The following SLC38A8 variants were observed in gnomAD, a reference collection of about 807,000 sequenced individuals.
SLC38A8 encodes the protein solute carrier family 38 member 8.
SLC38A8 carries 65 observed loss-of-function variants against 46.0 expected under a neutral mutation model. That is an observed-to-expected ratio of 1.41 (90% confidence interval 1.16 to 1.74). The LOEUF (loss-of-function observed/expected upper bound fraction) is 1.74, where lower values mean the gene tolerates loss of function less well. Ranked by LOEUF, SLC38A8 falls within the 40% of genes most tolerant of loss-of-function variation. The pLI, the probability that SLC38A8 is intolerant of heterozygous loss-of-function variation, is 0.00. For missense variants in SLC38A8, 998 were observed against 567.9 expected, an observed-to-expected ratio of 1.76 and a Z score of -7.70; for synonymous variants, 447 against 243.7, an observed-to-expected ratio of 1.83 and a Z score of -7.77.
In SLC38A8 at chr16:84,025,473, G is replaced by A. The variant is rs79245387; in HGVS notation, c.691-2584C>T. 5.5e-4 allele frequency among the ~76,000 whole-genome samples: 84 copies of A among 152,198 alleles called. No homozygotes were observed. In the East Asian group the frequency reaches 0.012, roughly 21 times the overall value. ...CACAGCCCGTGTCCTCAACACGAGC[G>A]GGCTTTTCGGTTTGTCTACTCAGCG... On this transcript the variant is annotated intron_variant, in intron 6 of 10. Transcript: ENST00000299709.
intron 5 of SLC38A8, among the ~76,000 whole-genome samples, chr16:84,030,207 G>A (rs568080529): frequency 4.6e-5 from 7 of 152,242 alleles, no homozygotes; most frequent in East Asian, 1.9e-4. Flanking sequence ...ACAGATCGCC[G>A]CGGCCCCCAG....
intron 2 of SLC38A8, among the ~76,000 whole-genome samples, chr16:84,037,168 CCCCAGT>C (rs2085309817): frequency 6.6e-6 from 1 of 152,220 alleles, no homozygotes; most frequent in Admixed American, 6.5e-5. Context: ...CACCATCCTG[CCCCAGT>C]GGGATAAATG....
intron 6 of SLC38A8, among the ~76,000 whole-genome samples, chr16:84,023,185 A>C (rs2085115870): frequency 2.0e-5 from 3 of 151,840 alleles, no homozygotes. Context: ...CATTACAAAC[A>C]CCCACTGCCC....
chr16:84,036,694 G>T lies in SLC38A8; in HGVS notation c.388+8C>A. The T allele has an allele frequency of 6.2e-7, 1 of 1,614,044 alleles. No homozygotes were observed. Among genetic ancestry groups the T allele is most frequent in the East Asian group, 2.2e-5 (1 of 44,880 alleles). On this transcript the variant is annotated splice_region_variant and intron_variant, in intron 3 of 10. Coordinates refer to ENST00000299709, the MANE Select transcript of SLC38A8 (RefSeq NM_001080442.3). Reference sequence around the variant, plus strand: ...CTGGGCCACCCCGAGTCCCATGAAGGTACTTACGCTTCTCCAGCTGGTCCC... The same window carrying T: ...CTGGGCCACCCCGAGTCCCATGAAGTTACTTACGCTTCTCCAGCTGGTCCC...
At chr16:84,025,766 G>A (rs903127978) in intron 6 of SLC38A8, among the ~76,000 whole-genome samples, 3 of 152,246 alleles carry the variant, frequency 2.0e-5, no homozygotes, top group African/African-American at 7.2e-5. Flanking sequence ...TGGAAATATA[G>A]GAGGGCACAG....
chr16:84,033,024 A>G (rs1225281961), intron 4 of SLC38A8, among the ~76,000 whole-genome samples: 1 of 148,422 alleles, frequency 6.7e-6, no homozygotes, highest in African/African-American at 2.5e-5. Flanking sequence ...GTGGGTGTGT[A>G]TGTGTGGGTG....
chr16:84,029,397 G>T (rs376979216), intron 6 of SLC38A8, 97 bp downstream of exon 6: 2 of 1,286,562 alleles, frequency 1.6e-6, no homozygotes, highest in Non-Finnish European at 2.2e-6. Flanking sequence ...GTCCTCAGAC[G>T]CCTCCCTGAC....
intron 6 of SLC38A8, among the ~76,000 whole-genome samples, chr16:84,025,414 G>A (rs1039769409): frequency 3.3e-5 from 5 of 152,186 alleles, no homozygotes; most frequent in African/African-American, 1.2e-4. Context: ...ACCCTCCTGG[G>A]GAGCCCTCCC....
At chr16:84,037,985 G>C (rs148028543) in intron 2 of SLC38A8, among the ~76,000 whole-genome samples, 1 of 151,828 alleles carries the variant, frequency 6.6e-6, no homozygotes, top group Non-Finnish European at 1.5e-5. Flanking sequence ...ATTGTTTTTT[G>C]TATTTTTAAA....
rs750188688 is a variant in SLC38A8, at chr16:84,009,846, C to T, written c.1246G>A (p.Val416Met). 1.9e-6 allele frequency: 3 copies of T among 1,614,100 alleles called. No individual in the cohort carries two copies. The highest frequency in any genetic ancestry group is 2.2e-5 in the East Asian group (1 of 44,870). Residue 416 changes from valine (V) to methionine (M), a missense_variant, in exon 11 of 11, where the codon GTG (valine) becomes ATG (methionine). By Grantham distance (21) the Val-to-Met change is conservative (BLOSUM62 1). Transcript: ENST00000299709. Reference sequence around the variant, plus strand: ...CCAAAGATGAAGGTGCCGACCAGCACAGAGACCACTCCCCAGACCTCCAGG... The same window carrying T: ...CCAAAGATGAAGGTGCCGACCAGCATAGAGACCACTCCCCAGACCTCCAGG... Reference protein sequence around the residue: ...CCLEVWGVVSVLVGTFIFGQS... With the variant: ...CCLEVWGVVSMLVGTFIFGQS...
intron 9 of SLC38A8, among the ~76,000 whole-genome samples, chr16:84,015,090 G>C (rs2085009443): frequency 1.3e-5 from 2 of 152,164 alleles, no homozygotes; most frequent in African/African-American, 4.8e-5. Flanking sequence ...GGGTCCCCAA[G>C]CTCGATGTCT....
intron 3 of SLC38A8, among the ~76,000 whole-genome samples, chr16:84,034,184 A>T (rs2085277079): frequency 6.6e-6 from 1 of 152,174 alleles, no homozygotes; most frequent in Non-Finnish European, 1.5e-5. Flanking sequence ...AACTTCTTCC[A>T]TGGCAGCTGG....
intron 10 of SLC38A8, among the ~76,000 whole-genome samples, chr16:84,010,371 G>A (rs9673442): frequency 5.9e-4 from 89 of 151,866 alleles, no homozygotes; most frequent in Non-Finnish European, 9.9e-4. Flanking sequence ...GTTGCTGGCC[G>A]CAAGCAGTTT....
intron 9 of SLC38A8, among the ~76,000 whole-genome samples, chr16:84,015,977 C>A (rs1024267304): frequency 6.6e-6 from 1 of 152,212 alleles, no homozygotes; most frequent in Non-Finnish European, 1.5e-5. Flanking sequence ...CTGTGCCCAG[C>A]CAGAGGCTAG....
At chr16:84,014,056 T>C (rs1252409671) in intron 9 of SLC38A8, among the ~76,000 whole-genome samples, 1 of 140,478 alleles carries the variant, frequency 7.1e-6, no homozygotes, top group African/African-American at 2.7e-5. Context: ...GTGACCACAC[T>C]CTCATCTCTG....
At chr16:84,012,963 GC>G in intron 10 of SLC38A8, 37 bp downstream of exon 10, 1 of 1,608,994 alleles carries the variant, frequency 6.2e-7, no homozygotes, top group Non-Finnish European at 8.5e-7. Flanking sequence ...CTGATCCGGG[GC>G]ACACCCAGGG....
At chr16:84,029,382 G>T (rs548919223) in intron 6 of SLC38A8, 112 bp downstream of exon 6, 14 of 1,100,586 alleles carry the variant, frequency 1.3e-5, no homozygotes, top group Non-Finnish European at 1.9e-5. Flanking sequence ...TGTATCCTAG[G>T]AGAAGTCCTC....
At chr16:84,020,547 G>T (rs72799218) in intron 7 of SLC38A8, among the ~76,000 whole-genome samples, 4,561 of 152,280 alleles carry the variant, frequency 0.03, 129 homozygotes, top group East Asian at 0.096. Context: ...TCCTGCCAAG[G>T]TTTACCACTT....
chr16:84,039,311 A>C (rs986350349), intron 2 of SLC38A8, among the ~76,000 whole-genome samples: 1 of 152,234 alleles, frequency 6.6e-6, no homozygotes, highest in Admixed American at 6.5e-5. Context: ...AGACACATGC[A>C]ATTGTAAAAT....
Sources: gnomAD v4.1 joint callset for allele counts (sites outside exome capture counted in the v4.1 genomes callset) on GRCh38, gnomAD v4.1.1 for gene constraint, MANE v1.5 for transcripts, NCBI Gene and HGNC (gene_info 2026-07-23, HGNC 2026-07-21) for gene names.